The following RLIM variants were observed in gnomAD, a reference collection of about 807,000 sequenced individuals.
The protein encoded by RLIM is E3 ubiquitin-protein ligase RLIM.
RLIM carries 2 observed loss-of-function variants against 34.0 expected under a neutral mutation model. The observed-to-expected ratio is 0.06, with a 90% CI of 0.02 to 0.19. The LOEUF is 0.19. RLIM is among the 10% of genes least tolerant of loss of function. The pLI, the probability that RLIM is intolerant of heterozygous loss-of-function variation, is 1.00. For missense variants in RLIM, 286 were observed against 479.7 expected (o/e 0.60, Z 3.77); for synonymous variants, 169 against 164.0 (o/e 1.03, Z -0.23).
At chrX:74,608,733 C>A (rs748621655) in intron 1 of RLIM, among the ~76,000 whole-genome samples, 5 of 112,267 alleles carry the variant, frequency 4.5e-5, no homozygotes, top group Non-Finnish European at 9.4e-5. Context: ...GCTCAAACAA[C>A]TTTTACTAAA....
chrX:74,600,943 G>T (rs2079658867), intron 1 of RLIM, among the ~76,000 whole-genome samples: 1 of 109,251 alleles, frequency 9.2e-6, no homozygotes, highest in Non-Finnish European at 1.9e-5. Flanking sequence ...AGAATCACTT[G>T]AACCTGGGAG....
intron 1 of RLIM, among the ~76,000 whole-genome samples, chrX:74,603,929 T>C (rs2079671807): frequency 9.1e-6 from 1 of 109,833 alleles, no homozygotes; most frequent in Non-Finnish European, 1.9e-5. Context: ...GCCAACATAG[T>C]GAAACCCCGT....
intron 1 of RLIM, among the ~76,000 whole-genome samples, chrX:74,600,734 G>A (rs765829532): frequency 1.2e-4 from 13 of 109,927 alleles, no homozygotes; most frequent in Non-Finnish European, 2.1e-4. Flanking sequence ...ATCGGGGGCT[G>A]GGTGCAGTGG....
intron 1 of RLIM, among the ~76,000 whole-genome samples, chrX:74,599,089 A>C (rs2079651193): frequency 8.9e-6 from 1 of 111,865 alleles, no homozygotes; most frequent in Non-Finnish European, 1.9e-5. Flanking sequence ...AACTGTGAGA[A>C]TTTGGTTTCT....
intron 1 of RLIM, among the ~76,000 whole-genome samples, chrX:74,600,934 G>A (rs1283397340): frequency 1.8e-5 from 2 of 109,330 alleles, no homozygotes; most frequent in African/African-American, 6.7e-5. Flanking sequence ...TGAGGCAGGA[G>A]AATCACTTGA....
At chrX:74,611,778 C>T (rs1458050175) in intron 1 of RLIM, among the ~76,000 whole-genome samples, 1 of 112,192 alleles carries the variant, frequency 8.9e-6, no homozygotes, top group Non-Finnish European at 1.9e-5. Context: ...AGGGCTCCAC[C>T]ACTTAAAGCT....
Position 74,589,296 on chromosome X carries a change from A to G in RLIM, c.*2144T>C, listed in dbSNP as rs2079602512. On this transcript the variant is annotated 3_prime_UTR_variant, in exon 4 of 4. Coordinates refer to ENST00000332687, the MANE Select transcript of RLIM (RefSeq NM_016120.4). ...AAGAAAATTGATTTGTTTTTAGCCA[A>G]TCAAGACTACCCTGCAGATCTGAAA... 8.9e-6 allele frequency: 1 copy of G among 111,772 alleles called. No homozygotes were observed. Among genetic ancestry groups the G allele is most frequent in the Non-Finnish European group, 1.9e-5 (1 of 53,181 alleles). The allele number at this position is 111,772 out of a possible 1,213,427, so 9.2% of individuals were successfully genotyped here.
At position 74,583,770 on chromosome X, in the gene RLIM, G is replaced by A. The variant is rs756954832; in HGVS notation, c.*7670C>T. On this transcript the variant is annotated 3_prime_UTR_variant, in exon 4 of 4. Transcript: ENST00000332687. ...AAAAAACAAAAAACAATTTGCGGCC[G>A]GGCGTGGTGGCTCACGCCTGTAATA... Among the ~76,000 whole-genome samples the A allele has an allele frequency of 8.9e-5, 10 of 111,898 alleles. No individual in the cohort carries two copies. The East Asian group carries it at 1.4e-3, about 16-fold the overall frequency.
chrX:74,613,029 T>C (rs936339799), intron 1 of RLIM, among the ~76,000 whole-genome samples: 4 of 110,851 alleles, frequency 3.6e-5, no homozygotes, highest in African/African-American at 1.3e-4. Context: ...CATTTTTCAG[T>C]AAGTGGAGTG....
chrX:74,603,560 G>C (rs752130817), intron 1 of RLIM, among the ~76,000 whole-genome samples: 91 of 111,541 alleles, frequency 8.2e-4, no homozygotes, highest in Middle Eastern at 9.3e-3. Context: ...CAGAATTACA[G>C]TCCCTTTAAA....
intron 1 of RLIM, among the ~76,000 whole-genome samples, chrX:74,607,702 C>T (rs1348327660): frequency 1.8e-5 from 2 of 112,354 alleles, no homozygotes; most frequent in East Asian, 5.6e-4. Flanking sequence ...GAGCGAGACT[C>T]CGTCTCAAAA....
In RLIM at chrX:74,592,696, C is replaced by T. The variant is rs766969787; in HGVS notation, c.619G>A (p.Gly207Ser). Reference sequence around the variant, plus strand: ...CTCCTGCTTCTTGCCCTCCTCTGACCTCTGGTAGGTGGGACCTCTGTTAAC... The same window carrying T: ...CTCCTGCTTCTTGCCCTCCTCTGACTTCTGGTAGGTGGGACCTCTGTTAAC... ...EALTEVPPTR[G>S]QRRARSRSPD... The change falls in exon 4 of 4, where the codon GGT (glycine) becomes AGT (serine). Residue 207 changes from glycine to serine, a missense_variant. Gly to Ser is a moderately conservative substitution (Grantham distance 56). This residue lies in a region of RLIM where 121 missense variants were observed against 182.4 expected (regional missense o/e 0.66). Coordinates refer to ENST00000332687, the MANE Select transcript of RLIM (RefSeq NM_016120.4). The T allele has an allele frequency of 6.9e-5, 83 of 1,210,064 alleles. No homozygotes were observed. The highest frequency in any genetic ancestry group is 8.7e-5 in the Non-Finnish European group (78 of 895,223).
At chrX:74,596,086 A>G (rs888083693) in intron 1 of RLIM, 86 bp from the exon 2 acceptor site, 5 of 541,972 alleles carry the variant, frequency 9.2e-6, no homozygotes, top group Non-Finnish European at 1.1e-5. Context: ...TCCAGAATGT[A>G]GGTCTAGAGA....
At chrX:74,613,702 G>A (rs890027234) in intron 1 of RLIM, among the ~76,000 whole-genome samples, 1 of 103,170 alleles carries the variant, frequency 9.7e-6, no homozygotes, top group Admixed American at 1.1e-4. Flanking sequence ...AAATTAACTT[G>A]AAAATTTGGC....
chrX:74,583,090 A>G lies in RLIM; in HGVS notation c.*8350T>C, dbSNP rs1931249276. 1 of 1,146,804 alleles carries G rather than the reference A, an allele frequency of 8.7e-7. No individual in the cohort carries two copies. Among genetic ancestry groups the G allele is most frequent in the Non-Finnish European group, 1.2e-6 (1 of 835,685 alleles). The allele number at this position is 1,146,804 out of a possible 1,213,427, so 94.5% of individuals were successfully genotyped here. On this transcript the variant is annotated 3_prime_UTR_variant, in exon 4 of 4. Coordinates refer to ENST00000332687, the MANE Select transcript of RLIM (RefSeq NM_016120.4). ...CTTTTCGTGGTCCCTGATCAATTTT[A>G]AACAGTTGGAACACCGGTGGCACTG...
chrX:74,606,064 C>T (rs2079680935), intron 1 of RLIM, among the ~76,000 whole-genome samples: 1 of 112,237 alleles, frequency 8.9e-6, no homozygotes, highest in Non-Finnish European at 1.9e-5. Context: ...ACTATTCAAT[C>T]TATGAGCTTT....
At position 74,591,057 on chromosome X, in the gene RLIM, A is replaced by G. The variant is rs922649684; in HGVS notation, c.*383T>C. On this transcript the variant is annotated 3_prime_UTR_variant, in exon 4 of 4. Transcript: ENST00000332687. ...AAACACATACTGTAACTTAGTCTAAACTGGTAATTTCCTTTGCTCCTCTCT... is the reference window on the plus strand; with the variant it reads ...AAACACATACTGTAACTTAGTCTAAGCTGGTAATTTCCTTTGCTCCTCTCT... 1 of 158,457 alleles carries G rather than the reference A, an allele frequency of 6.3e-6. No homozygotes were observed. Among genetic ancestry groups the G allele is most frequent in the African/African-American group, 3.1e-5 (1 of 32,746 alleles). The allele number at this position is 158,457 out of a possible 1,213,427, so 13.1% of individuals were successfully genotyped here.
chrX:74,598,902 A>C (rs2079650492), intron 1 of RLIM, among the ~76,000 whole-genome samples: 1 of 112,236 alleles, frequency 8.9e-6, no homozygotes, highest in Non-Finnish European at 1.9e-5. Context: ...TCAAAGATTA[A>C]ATATTTAAGT....
chrX:74,612,493 T>A (rs1489101791), intron 1 of RLIM: 3 of 111,414 alleles, frequency 2.7e-5, no homozygotes, highest in Non-Finnish European at 5.6e-5. Context: ...GCCCATCCAA[T>A]TACAGGGCCT....
Sources: gnomAD v4.1 joint callset for allele counts (sites outside exome capture counted in the v4.1 genomes callset) on GRCh38, gnomAD v4.1.1 for gene constraint, gnomAD v4.1.1 regional missense constraint, MANE v1.5 for transcripts, NCBI Gene and HGNC (gene_info 2026-07-23, HGNC 2026-07-21) for gene names.